The following ADAMTSL1 variants were observed in gnomAD, a reference collection of about 807,000 sequenced individuals.
ADAMTSL1 encodes the protein ADAMTS-like protein 1.
A neutral mutation model predicts 201.8 loss-of-function variants in ADAMTSL1; 126 were observed. The observed-to-expected ratio is 0.62, with a 90% CI of 0.54 to 0.72. The LOEUF (loss-of-function observed/expected upper bound fraction) is 0.72, where lower values mean the gene tolerates loss of function less well. Ranked by LOEUF, ADAMTSL1 falls within the 30% of genes least tolerant of loss-of-function variation. ADAMTSL1 has a pLI of 0.00. For missense variants in ADAMTSL1, 2,679 were observed against 2,277.8 expected, an observed-to-expected ratio of 1.18 and a Z score of -3.59; for synonymous variants, 1,121 against 903.4, an observed-to-expected ratio of 1.24 and a Z score of -4.32.
intron 2 of ADAMTSL1, among the ~76,000 whole-genome samples, chr9:18,224,508 A>G (rs938225925): frequency 3.3e-5 from 5 of 152,162 alleles, no homozygotes; most frequent in Non-Finnish European, 5.9e-5. Context: ...AAATATTCAC[A>G]TCATAACATT....
chr9:18,618,475 A>G (rs1462639913), intron 4 of ADAMTSL1, among the ~76,000 whole-genome samples: 1 of 151,916 alleles, frequency 6.6e-6, no homozygotes, highest in Non-Finnish European at 1.5e-5. Context: ...GTGGAGATAG[A>G]CATGTTAATA....
intron 1 of ADAMTSL1, among the ~76,000 whole-genome samples, chr9:18,052,259 C>T (rs2131670370): frequency 6.6e-6 from 1 of 152,322 alleles, no homozygotes; most frequent in East Asian, 1.9e-4. Context: ...AAACACATCA[C>T]ACAAATAAAT....
chr9:18,289,520 G>A (rs561429648), intron 2 of ADAMTSL1, among the ~76,000 whole-genome samples: 1 of 152,306 alleles, frequency 6.6e-6, no homozygotes, highest in South Asian at 2.1e-4. Context: ...CCAGGGTGGT[G>A]TATAGAGTTG....
chr9:17,978,961 G>GTTT (rs57502483), intron 1 of ADAMTSL1, among the ~76,000 whole-genome samples: 6 of 148,698 alleles, frequency 4.0e-5, no homozygotes, highest in East Asian at 3.9e-4. Flanking sequence ...TTGGTTGACA[G>GTTT]TTTTTTTTTT....
intron 2 of ADAMTSL1, among the ~76,000 whole-genome samples, chr9:18,244,792 C>T (rs1396767104): frequency 6.6e-6 from 1 of 152,172 alleles, no homozygotes; most frequent in Non-Finnish European, 1.5e-5. Context: ...GAGTCATGCT[C>T]TCCCTCTCTC....
chr9:18,525,088 G>C (rs138491119), intron 2 of ADAMTSL1, among the ~76,000 whole-genome samples: 9,708 of 152,084 alleles, frequency 0.064, 356 homozygotes, highest in Middle Eastern at 0.13. Context: ...TTTTTGGTTG[G>C]TAGGCTATTA....
intron 19 of ADAMTSL1, among the ~76,000 whole-genome samples, chr9:18,780,198 T>C (rs926227624): frequency 6.6e-6 from 1 of 152,182 alleles, no homozygotes; most frequent in African/African-American, 2.4e-5. Context: ...TAGACAAGCA[T>C]TGAGGGGTCC....
chr9:18,691,521 A>G (rs1831213255), intron 13 of ADAMTSL1, among the ~76,000 whole-genome samples: 1 of 152,186 alleles, frequency 6.6e-6, no homozygotes, highest in Non-Finnish European at 1.5e-5. Context: ...ACTACAGATA[A>G]TTTCCTAAAA....
At chr9:18,417,726 G>A (rs909534010) in intron 2 of ADAMTSL1, among the ~76,000 whole-genome samples, 1 of 152,132 alleles carries the variant, frequency 6.6e-6, no homozygotes, top group Non-Finnish European at 1.5e-5. Flanking sequence ...AGTTGAATTT[G>A]TAGTTAAAGT....
chr9:18,361,337 T>A (rs570978827), intron 2 of ADAMTSL1, among the ~76,000 whole-genome samples: 1 of 152,352 alleles, frequency 6.6e-6, no homozygotes, highest in East Asian at 1.9e-4. Flanking sequence ...ATTAAAATGT[T>A]GATGTATTTC....
Position 18,584,554 on chromosome 9 carries a change from T to C in ADAMTSL1, c.474+10288T>C, listed in dbSNP as rs1292687130. Among the ~76,000 whole-genome samples, 3 of 152,244 alleles carry C rather than the reference T, an allele frequency of 2.0e-5. 1 individual carries two copies. The highest frequency in any genetic ancestry group is 7.2e-5 in the African/African-American group (3 of 41,456). ...GCCACTGTATAACAGGACTCATCTT[T>C]CTTCCAGTATCCAATTAAATGTTCA... On this transcript the variant is annotated intron_variant, in intron 4 of 28. Transcript: ENST00000380548.
At chr9:18,393,872 T>A (rs72686884) in intron 2 of ADAMTSL1, among the ~76,000 whole-genome samples, 2 of 152,300 alleles carry the variant, frequency 1.3e-5, no homozygotes, top group East Asian at 3.9e-4. Flanking sequence ...TCCTGGATGA[T>A]ACCATCCGGC....
At chr9:18,721,428 G>C (rs560277857) in intron 14 of ADAMTSL1, 108 bp from the exon 15 acceptor site, 53 of 1,464,820 alleles carry the variant, frequency 3.6e-5, no homozygotes, top group Middle Eastern at 4.9e-4. Context: ...TACAGCGAGA[G>C]TCCTACAGAA....
chr9:18,187,996 A>G (rs746836133), intron 2 of ADAMTSL1, among the ~76,000 whole-genome samples: 39 of 152,162 alleles, frequency 2.6e-4, no homozygotes, highest in Non-Finnish European at 4.0e-4. Context: ...TGGGTACTGT[A>G]GAGTGTGAAA....
intron 1 of ADAMTSL1, among the ~76,000 whole-genome samples, chr9:17,961,282 C>G (rs1817745382): frequency 6.6e-6 from 1 of 151,976 alleles, no homozygotes; most frequent in African/African-American, 2.4e-5. Context: ...GAGTTTTGCT[C>G]TTGTTGCCCA....
At chr9:17,924,281 T>C (rs1008942167) in intron 1 of ADAMTSL1, among the ~76,000 whole-genome samples, 23 of 152,158 alleles carry the variant, frequency 1.5e-4, no homozygotes, top group African/African-American at 5.6e-4. Context: ...GGTAAACTAT[T>C]GATTATTGCC....
intron 2 of ADAMTSL1, among the ~76,000 whole-genome samples, chr9:18,245,713 T>C (rs1279716174): frequency 6.6e-6 from 1 of 151,798 alleles, no homozygotes; most frequent in Non-Finnish European, 1.5e-5. Flanking sequence ...TTTTTTTTTT[T>C]CAATGAAAGA....
intron 2 of ADAMTSL1, among the ~76,000 whole-genome samples, chr9:18,387,245 T>C (rs900956918): frequency 6.6e-6 from 1 of 152,054 alleles, no homozygotes; most frequent in Non-Finnish European, 1.5e-5. Context: ...GAAGAAAACA[T>C]ATAAGGTAAA....
chr9:18,421,910 T>A (rs1261931456), intron 2 of ADAMTSL1, among the ~76,000 whole-genome samples: 1 of 152,248 alleles, frequency 6.6e-6, no homozygotes, highest in Non-Finnish European at 1.5e-5. Context: ...GATTTAAGAA[T>A]GTAATATTTG....
Sources: gnomAD v4.1 joint callset for allele counts (sites outside exome capture counted in the v4.1 genomes callset) on GRCh38, gnomAD v4.1.1 for gene constraint, MANE v1.5 for transcripts, NCBI Gene and HGNC (gene_info 2026-07-23, HGNC 2026-07-21) for gene names.